The following AKIRIN2 variants were observed in gnomAD, a reference collection of about 807,000 sequenced individuals.
AKIRIN2 encodes the protein akirin 2, also known as akirin-2.
A neutral mutation model predicts 29.3 loss-of-function variants in AKIRIN2; 6 were observed. That is an observed-to-expected ratio of 0.20 (90% CI 0.11 to 0.40). The LOEUF (loss-of-function observed/expected upper bound fraction) is 0.40. Among genes scored for constraint, AKIRIN2 ranks in the 10% least tolerant of loss-of-function variants. AKIRIN2 has a pLI of 1.00. For synonymous variants in AKIRIN2, 128 were observed against 117.5 expected, an observed-to-expected ratio of 1.09 and a Z score of -0.58; for missense variants, 210 against 276.1, an observed-to-expected ratio of 0.76 and a Z score of 1.70.
At chr6:87,685,925 A>G (rs901884324) in intron 1 of AKIRIN2, among the ~76,000 whole-genome samples, 1 of 152,118 alleles carries the variant, frequency 6.6e-6, no homozygotes, top group African/African-American at 2.4e-5. Flanking sequence ...TTTAACAACA[A>G]ATTAGGAGGC....
In AKIRIN2 at chr6:87,675,935, T is replaced by C. The variant is rs1401808113; in HGVS notation, c.530-4A>G. The C allele has an allele frequency of 6.2e-7, 1 of 1,608,148 alleles. No individual in the cohort carries two copies. Among genetic ancestry groups the C allele is most frequent in the Non-Finnish European group, 8.5e-7 (1 of 1,178,046 alleles). ...TTCACAAACGCATCATATTGTTCTA[T>C]AAATAAAGGTACTTGTCAATTACAT... On this transcript the variant is annotated splice_region_variant and splice_polypyrimidine_tract_variant and intron_variant, in intron 3 of 4. Transcript: ENST00000257787.
At chr6:87,676,048 C>A (rs1770969105) in intron 3 of AKIRIN2, 117 bp from the exon 4 acceptor site, 1 of 782,540 alleles carries the variant, frequency 1.3e-6, no homozygotes. Context: ...ACTTACATAA[C>A]CTCAGTAGTA....
At chr6:87,677,548 C>T (rs1235309982) in intron 3 of AKIRIN2, among the ~76,000 whole-genome samples, 5 of 152,050 alleles carry the variant, frequency 3.3e-5, no homozygotes, top group Non-Finnish European at 7.4e-5. Flanking sequence ...AAATCCACAA[C>T]CAAATTGAGG....
chr6:87,691,620 G>C (rs749426833), intron 1 of AKIRIN2, among the ~76,000 whole-genome samples: 12 of 152,148 alleles, frequency 7.9e-5, no homozygotes, highest in Non-Finnish European at 1.6e-4. Flanking sequence ...GCTAAAGCTA[G>C]AACTAAAGAA....
chr6:87,696,804 A>G (rs1187144480), intron 1 of AKIRIN2, among the ~76,000 whole-genome samples: 1 of 151,690 alleles, frequency 6.6e-6, no homozygotes, highest in Non-Finnish European at 1.5e-5. Flanking sequence ...TGAGGAGTTC[A>G]AGACCAACCT....
chr6:87,688,707 T>C (rs1771231099), intron 1 of AKIRIN2, among the ~76,000 whole-genome samples: 1 of 151,902 alleles, frequency 6.6e-6, no homozygotes, highest in African/African-American at 2.4e-5. Context: ...GAGCCGAGAT[T>C]AAGCCAATGC....
chr6:87,676,596 A>AACACACGCACGCGCGCGC (rs1485678233), intron 3 of AKIRIN2, among the ~76,000 whole-genome samples: 35 of 142,146 alleles, frequency 2.5e-4, no homozygotes, highest in African/African-American at 9.2e-4. Flanking sequence ...CTCTACTAAA[A>AACACACGCACGCGCGCGC]ACACACACAC....
chr6:87,676,981 G>C (rs192460366), intron 3 of AKIRIN2, among the ~76,000 whole-genome samples: 2 of 151,812 alleles, frequency 1.3e-5, no homozygotes, highest in East Asian at 1.9e-4. Flanking sequence ...GGAGGCTGAG[G>C]CAGGAGAATG....
At chr6:87,682,036 G>A (rs912803218) in intron 1 of AKIRIN2, among the ~76,000 whole-genome samples, 1 of 152,196 alleles carries the variant, frequency 6.6e-6, no homozygotes, top group African/African-American at 2.4e-5. Flanking sequence ...TGGTCAAGGA[G>A]TCTGTGAACC....
chr6:87,684,978 GCATTCCTAC>G (rs1261700794), intron 1 of AKIRIN2, among the ~76,000 whole-genome samples: 2 of 152,132 alleles, frequency 1.3e-5, no homozygotes, highest in Non-Finnish European at 2.9e-5. Context: ...TTGTCATTTT[GCATTCCTAC>G]CATAAAAGTA....
chr6:87,696,722 GGGAGGCCAGGCGC>G (rs1193305731), intron 1 of AKIRIN2, among the ~76,000 whole-genome samples: 1 of 130,386 alleles, frequency 7.7e-6, no homozygotes, highest in Non-Finnish European at 1.6e-5. Context: ...AAAAAAGCCA[GGGAGGCCAGGCGC>G]GGTGGCTCAC....
intron 1 of AKIRIN2, 144 bp from the exon 2 acceptor site, chr6:87,681,907 T>A: frequency 1.4e-6 from 1 of 702,034 alleles, no homozygotes. Flanking sequence ...TGGTAGGAAC[T>A]CATTTCAGCA....
chr6:87,698,361 A>G (rs1033847265), intron 1 of AKIRIN2, among the ~76,000 whole-genome samples: 1 of 149,856 alleles, frequency 6.7e-6, no homozygotes, highest in Admixed American at 6.6e-5. Flanking sequence ...GTCACCTGCA[A>G]TGAACAATAC....
At chr6:87,675,644 A>G in intron 4 of AKIRIN2, 37 bp from the exon 5 acceptor site, 1 of 1,611,518 alleles carries the variant, frequency 6.2e-7, no homozygotes, top group Non-Finnish European at 8.5e-7. Context: ...TGCAAAATAC[A>G]GGTCAAAATC....
chr6:87,681,019 C>A (rs898533993), intron 2 of AKIRIN2, among the ~76,000 whole-genome samples: 1 of 151,816 alleles, frequency 6.6e-6, no homozygotes, highest in Non-Finnish European at 1.5e-5. Context: ...CTATACCTAA[C>A]AAAGGAGCAT....
chr6:87,691,453 A>AG (rs1206938367), intron 1 of AKIRIN2, among the ~76,000 whole-genome samples: 1 of 142,036 alleles, frequency 7.0e-6, no homozygotes, highest in East Asian at 1.9e-4. Context: ...AAAAAAAAAA[A>AG]AAAAAAAAAA....
intron 1 of AKIRIN2, among the ~76,000 whole-genome samples, chr6:87,682,669 G>C (rs528477422): frequency 1.3e-5 from 2 of 152,236 alleles, no homozygotes; most frequent in African/African-American, 4.8e-5. Flanking sequence ...TACATCCCTA[G>C]AAGTTTACTA....
intron 1 of AKIRIN2, among the ~76,000 whole-genome samples, chr6:87,693,085 C>T (rs1178761514): frequency 6.6e-6 from 1 of 151,740 alleles, no homozygotes; most frequent in African/African-American, 2.4e-5. Context: ...AAAAAGTAGC[C>T]GGGTATGATG....
At chr6:87,687,331 T>C (rs1771203334) in intron 1 of AKIRIN2, among the ~76,000 whole-genome samples, 1 of 149,756 alleles carries the variant, frequency 6.7e-6, no homozygotes, top group East Asian at 2.0e-4. Flanking sequence ...TCACCTGAGG[T>C]TGGGAGTTCG....
Sources: allele counts gnomAD v4.1 joint callset (sites outside exome capture counted in the v4.1 genomes callset), GRCh38; gene constraint gnomAD v4.1.1; transcripts MANE v1.5; gene names NCBI Gene and HGNC (gene_info 2026-07-23, HGNC 2026-07-21).